Variants in CSDE1 observed in about 807,000 individuals in gnomAD.
CSDE1 encodes cold shock domain containing E1, also known as cold shock domain-containing protein E1.
A neutral mutation model predicts 89.3 loss-of-function variants in CSDE1; 17 were observed. That is an observed-to-expected ratio of 0.19 (90% confidence interval 0.13 to 0.29). The LOEUF (loss-of-function observed/expected upper bound fraction) is 0.29. Ranked by LOEUF, CSDE1 falls within the 10% of genes least tolerant of loss-of-function variation. CSDE1 has a pLI of 1.00. For synonymous variants in CSDE1, 322 were observed against 332.8 expected, an observed-to-expected ratio of 0.97 and a Z score of 0.35; for missense variants, 672 against 984.2, an observed-to-expected ratio of 0.68 and a Z score of 4.24.
intron 2 of CSDE1, among the ~76,000 whole-genome samples, chr1:114,747,613 A>G (rs1408983306): frequency 6.6e-6 from 1 of 152,190 alleles, no homozygotes; most frequent in Non-Finnish European, 1.5e-5. Context: ...TAATCCCAGC[A>G]CTTTGGGAGG....
intron 2 of CSDE1, chr1:114,748,273 A>G (rs1661123737): frequency 6.6e-6 from 1 of 152,172 alleles, no homozygotes; most frequent in Non-Finnish European, 1.5e-5. Context: ...AAAAATGTTT[A>G]CCATTGACTT....
At position 114,729,488 on chromosome 1, in the gene CSDE1, C is replaced by T. The variant is rs1329601372; in HGVS notation, c.1356+770G>A. The stretch of plus-strand genomic sequence containing the variant: ...CATCCTTATTTCTCCTAACCTCCCT[C>T]ACCAACAAAAACCCACACACAAAAC... On this transcript the variant is annotated intron_variant, in intron 12 of 19. Transcript: ENST00000358528. Among the ~76,000 whole-genome samples, 5 of 145,134 alleles carry T rather than the reference C, an allele frequency of 3.4e-5. No homozygotes were observed. In the Admixed American group the frequency reaches 3.6e-4, roughly 10 times the overall value.
At chr1:114,757,034 C>T (rs1430683773) in intron 1 of CSDE1, 1 of 152,290 alleles carries the variant, frequency 6.6e-6, no homozygotes, top group African/African-American at 2.4e-5. Flanking sequence ...GTGGGTGGGC[C>T]AGGCGCTGGC....
intron 2 of CSDE1, among the ~76,000 whole-genome samples, chr1:114,741,900 G>T (rs1411525875): frequency 6.6e-6 from 1 of 152,158 alleles, no homozygotes; most frequent in African/African-American, 2.4e-5. Context: ...AAAGACTCTT[G>T]ATGGTTGTTG....
rs1661228425 is a variant in CSDE1 at position 114,750,176 on chromosome 1, A to T, written c.-356T>A. 1 of 152,658 alleles carries T rather than the reference A, an allele frequency of 6.6e-6. No individual in the cohort carries two copies. Among genetic ancestry groups the T allele is most frequent in the African/African-American group, 2.4e-5 (1 of 41,462 alleles). The allele number at this position is 152,658 out of a possible 1,614,324, so 9.5% of individuals were successfully genotyped here. On this transcript the variant is annotated 5_prime_UTR_variant, in exon 2 of 20. An upstream open reading frame in the 5' UTR loses its in-frame stop. Transcript: ENST00000358528. ...GATCTGAACTTGAAGCAGCAGTTTC[A>T]GGTGGTAAAGTCTGTTCTGTTACAC...
At chr1:114,754,414 T>C (rs1257340437) in intron 1 of CSDE1, among the ~76,000 whole-genome samples, 5 of 152,250 alleles carry the variant, frequency 3.3e-5, no homozygotes, top group Non-Finnish European at 5.9e-5. Context: ...AAGTAATCCA[T>C]CTAAAATGTA....
intron 1 of CSDE1, among the ~76,000 whole-genome samples, chr1:114,754,133 C>T (rs1254334745): frequency 2.0e-5 from 3 of 152,304 alleles, no homozygotes; most frequent in South Asian, 2.1e-4. Context: ...GGACTACAGG[C>T]GTGTACCACC....
chr1:114,751,042 G>A (rs1661279387), intron 1 of CSDE1, among the ~76,000 whole-genome samples: 1 of 152,138 alleles, frequency 6.6e-6, no homozygotes, highest in Non-Finnish European at 1.5e-5. Context: ...CAGGTGTAGC[G>A]GAGCCCGATT....
intron 16 of CSDE1, 35 bp downstream of exon 16, chr1:114,723,848 C>T: frequency 5.6e-6 from 9 of 1,612,830 alleles, no homozygotes; most frequent in Non-Finnish European, 6.8e-6. Context: ...GAAGTTATGG[C>T]AAATTTCAAA....
At position 114,718,718 on chromosome 1, in the gene CSDE1, A is replaced by G. The variant is rs1430812084; in HGVS notation, c.2244T>C (p.Pro748=). The G allele has an allele frequency of 6.2e-7, 1 of 1,614,194 alleles. No homozygotes were observed. The highest frequency in any genetic ancestry group is 8.5e-7 in the Non-Finnish European group (1 of 1,180,022). ...AGCGATTGACCAACCGATCAGGTCG[A>G]GGAGCTGCAACAGCCTTGGGGCCCT... The part of the protein sequence containing the change: ...VCEGPKAVAA[P]RPDRLVNRLK... Residue 748 remains proline, a synonymous_variant, in exon 19 of 20, where the codon CCT becomes CCC. Coordinates refer to ENST00000358528, the MANE Select transcript of CSDE1 (RefSeq NM_001007553.3).
chr1:114,718,078 G>A lies in CSDE1; in HGVS notation c.*91C>T, dbSNP rs930973617. 17 of 1,300,382 alleles carry A rather than the reference G, an allele frequency of 1.3e-5. No homozygotes were observed. The highest frequency in any genetic ancestry group is 1.9e-4 in the Middle Eastern group (1 of 5,372). The allele number at this position is 1,300,382 out of a possible 1,614,324, so 80.6% of individuals were successfully genotyped here. The stretch of plus-strand genomic sequence containing the variant: ...CAATAGAATAAGTATTCCAGATTTC[G>A]GGAGGGATGAAGAGGGAGATATTCA... On this transcript the variant is annotated 3_prime_UTR_variant, in exon 20 of 20. Coordinates refer to ENST00000358528, the MANE Select transcript of CSDE1 (RefSeq NM_001007553.3).
chr1:114,741,528 G>C (rs1660726583), intron 2 of CSDE1: 2 of 1,545,942 alleles, frequency 1.3e-6, no homozygotes, highest in Non-Finnish European at 1.7e-6. Flanking sequence ...CTGACTTACA[G>C]ATCTCTGATA....
At chr1:114,739,160 T>G (rs993778739) in intron 3 of CSDE1, among the ~76,000 whole-genome samples, 2 of 152,086 alleles carry the variant, frequency 1.3e-5, no homozygotes, top group East Asian at 3.9e-4. Context: ...GCCTCCCGAG[T>G]AGCTGGGACT....
At chr1:114,735,068 T>C (rs917938526) in intron 6 of CSDE1, among the ~76,000 whole-genome samples, 19 of 152,308 alleles carry the variant, frequency 1.2e-4, no homozygotes, top group Non-Finnish European at 2.1e-4. Flanking sequence ...GTTGAGTAAA[T>C]GAAGTGACTT....
chr1:114,756,024 C>A (rs1396798007), intron 1 of CSDE1, among the ~76,000 whole-genome samples: 1 of 152,110 alleles, frequency 6.6e-6, no homozygotes, highest in Non-Finnish European at 1.5e-5. Context: ...AAATCGATGG[C>A]CCTACACGAT....
chr1:114,738,129 G>T lies in CSDE1; in HGVS notation c.200-57C>A, dbSNP rs1660509962. The T allele has an allele frequency of 5.5e-6, 7 of 1,276,336 alleles. No homozygotes were observed. In the South Asian group the frequency reaches 8.3e-5, roughly 15 times the overall value. The allele number at this position is 1,276,336 out of a possible 1,614,324, so 79.1% of individuals were successfully genotyped here. A position where few individuals can be genotyped will look rare whatever the true frequency, so the allele number is the denominator to read the frequency against. On this transcript the variant is annotated intron_variant, in intron 3 of 19. Coordinates refer to ENST00000358528, the MANE Select transcript of CSDE1 (RefSeq NM_001007553.3). ...ACTGATTTTTGCGAAACGATATATT[G>T]CTTCCAAGCTATACTTAACATAGCA...
intron 15 of CSDE1, chr1:114,724,242 A>G (rs1659682837): frequency 9.5e-6 from 3 of 317,022 alleles, no homozygotes; most frequent in Non-Finnish European, 1.8e-5. Context: ...AAATTGTTTA[A>G]GGAATTAATA....
chr1:114,725,656 G>A (rs1048158313), intron 14 of CSDE1, among the ~76,000 whole-genome samples: 136 of 150,578 alleles, frequency 9.0e-4, no homozygotes, highest in African/African-American at 3.3e-3. Context: ...TTTTTTTTGA[G>A]ACAGAGTCTC....
intron 19 of CSDE1, 137 bp downstream of exon 19, chr1:114,718,476 A>G: frequency 8.2e-7 from 1 of 1,214,082 alleles, no homozygotes; most frequent in Non-Finnish European, 1.1e-6. Context: ...ACCAATGTGT[A>G]GAAAGTCCTA....
Sources: gnomAD v4.1 joint callset for allele counts (sites outside exome capture counted in the v4.1 genomes callset) on GRCh38, gnomAD v4.1.1 for gene constraint, MANE v1.5 for transcripts, NCBI Gene and HGNC (gene_info 2026-07-23, HGNC 2026-07-21) for gene names.